FREM1: variants seen among roughly 807,000 people sequenced by gnomAD.
FREM1 encodes the protein FRAS1 related extracellular matrix 1, also known as FRAS1-related extracellular matrix protein 1.
Under a neutral mutation model 210.1 loss-of-function variants are expected in FREM1, and 220 were observed. That is an observed-to-expected ratio of 1.05 (90% CI 0.94 to 1.17). The LOEUF (loss-of-function observed/expected upper bound fraction) is 1.17, where lower values mean the gene tolerates loss of function less well. Ranked by LOEUF, FREM1 falls within the 50% of genes most tolerant of loss-of-function variation. FREM1 has a pLI of 0.00. For missense variants in FREM1, 3,454 were observed against 2,675.5 expected (o/e 1.29, Z -6.42); for synonymous variants, 1,189 against 980.2 (o/e 1.21, Z -3.98).
intron 27 of FREM1, among the ~76,000 whole-genome samples, chr9:14,763,368 C>A (rs761886070): frequency 1.2e-4 from 19 of 152,182 alleles, no homozygotes; most frequent in Non-Finnish European, 2.5e-4. Context: ...TTGAGAACTT[C>A]TTCCATATGC....
chr9:14,895,335 CA>C (rs1189169214), intron 1 of FREM1, among the ~76,000 whole-genome samples: 1 of 152,130 alleles, frequency 6.6e-6, no homozygotes, highest in Non-Finnish European at 1.5e-5. Context: ...AATTATGTTT[CA>C]AAAACTATGG....
At chr9:14,861,798 C>A (rs762144065) in intron 3 of FREM1, among the ~76,000 whole-genome samples, 12 of 151,992 alleles carry the variant, frequency 7.9e-5, no homozygotes, top group Non-Finnish European at 1.3e-4. Flanking sequence ...TGAGCCACTG[C>A]GCCTGGCCCT....
Position 14,863,812 on chromosome 9 carries a change from T to TA in FREM1, c.325dup (p.Tyr109LeufsTer5), listed in dbSNP as rs1187244203. The TA allele has an allele frequency of 6.2e-7, 1 of 1,604,158 alleles. No individual in the cohort carries two copies. Among genetic ancestry groups the TA allele is most frequent in the Non-Finnish European group, 8.5e-7 (1 of 1,171,054 alleles). On this transcript the variant is annotated frameshift_variant, in exon 3 of 37. Coordinates refer to ENST00000380880, the MANE Select transcript of FREM1 (RefSeq NM_001379081.2). LOFTEE classifies it high-confidence loss of function. The stretch of plus-strand genomic sequence containing the variant: ...GCGATGTTCCCGTGCCGCTTACCTG[T>TA]AAAGTCTGAGCTTCACTGTGTCTTC...
chr9:14,759,181 A>T (rs964337496), intron 28 of FREM1, among the ~76,000 whole-genome samples: 4 of 152,230 alleles, frequency 2.6e-5, no homozygotes, highest in Non-Finnish European at 4.4e-5. Flanking sequence ...CATAGAAACA[A>T]ATAACAGCTT....
intron 10 of FREM1, among the ~76,000 whole-genome samples, chr9:14,828,714 T>G (rs1822977581): frequency 6.6e-6 from 1 of 152,056 alleles, no homozygotes; most frequent in African/African-American, 2.4e-5. Context: ...AAATTTCTAT[T>G]ATTTCTAAAT....
At chr9:14,738,615 G>T (rs1840844216) in intron 36 of FREM1, among the ~76,000 whole-genome samples, 1 of 152,148 alleles carries the variant, frequency 6.6e-6, no homozygotes, top group Admixed American at 6.5e-5. Context: ...CCAAGAGAGG[G>T]AACTATTACA....
intron 8 of FREM1, 39 bp from the exon 9 acceptor site, chr9:14,842,699 G>A: frequency 6.9e-7 from 1 of 1,454,468 alleles, no homozygotes. Context: ...TTGAGCAAGG[G>A]AGTGCAGAAG....
At chr9:14,807,883 CCACAGG>C (rs1563976747) in intron 17 of FREM1, 51 bp downstream of exon 17, 1 of 1,180,536 alleles carries the variant, frequency 8.5e-7, no homozygotes. Flanking sequence ...TTTCACTGAA[CCACAGG>C]TATGACACTA....
intron 10 of FREM1, among the ~76,000 whole-genome samples, chr9:14,841,113 A>G (rs1426984652): frequency 3.3e-5 from 5 of 152,228 alleles, no homozygotes; most frequent in African/African-American, 7.2e-5. Flanking sequence ...AACTCATGCA[A>G]CCTAACTCTA....
intron 3 of FREM1, among the ~76,000 whole-genome samples, chr9:14,861,790 AG>A (rs1419305623): frequency 6.6e-6 from 1 of 152,108 alleles, no homozygotes; most frequent in East Asian, 1.9e-4. Flanking sequence ...TAGAGGCATG[AG>A]CCACTGCGCC....
In FREM1 at chr9:14,748,549, G is replaced by C. The variant is rs1178288816; in HGVS notation, c.5648C>G (p.Ser1883Ter). ...ATGAAAGGAACCAGAAGTGGTGGATGAGGAAGACCCTGGGGGCAGCAGATG... is the reference window on the plus strand; with the variant it reads ...ATGAAAGGAACCAGAAGTGGTGGATCAGGAAGACCCTGGGGGCAGCAGATG... ...IWHLLPPGSS[S>*]STTSGSFHLE... The change falls in exon 31 of 37, where the codon TCA (serine) becomes TGA (stop). Residue 1883 changes from serine (S) to a stop codon, truncating the protein, a stop_gained. Coordinates refer to ENST00000380880, the MANE Select transcript of FREM1 (RefSeq NM_001379081.2). LOFTEE classifies it high-confidence loss of function. 1.9e-6 allele frequency: 3 copies of C among 1,613,892 alleles called. No individual in the cohort carries two copies. The South Asian group carries it at 3.3e-5, about 18-fold the overall frequency.
At chr9:14,871,760 T>G (rs922189567) in intron 1 of FREM1, among the ~76,000 whole-genome samples, 1 of 151,580 alleles carries the variant, frequency 6.6e-6, no homozygotes, top group Admixed American at 6.6e-5. Flanking sequence ...AATACCTAGG[T>G]TTTCTTCTAC....
At chr9:14,761,262 A>C (rs10124839) in intron 27 of FREM1, among the ~76,000 whole-genome samples, 18,352 of 152,192 alleles carry the variant, frequency 0.12, 1,237 homozygotes, top group Non-Finnish European at 0.15. Context: ...GAGCCAGATA[A>C]ACTCAACAGT....
chr9:14,860,867 A>ATATACGTATATATATGTATATATACG lies in FREM1; in HGVS notation c.330-1384_330-1383insCGTATATATACATATATATACGTATA, dbSNP rs1339254428. On this transcript the variant is annotated intron_variant, in intron 3 of 36. Coordinates refer to ENST00000380880, the MANE Select transcript of FREM1 (RefSeq NM_001379081.2). ...TACATATATACGTATATATACACAT[A>ATATACGTATATATATGTATATATACG]TATATACGTATATATACACATATAT... is the stretch of plus-strand genomic sequence containing the variant. 4.5e-5 allele frequency among the ~76,000 whole-genome samples: 2 copies of ATATACGTATATATATGTATATATACG among 44,406 alleles called. 1 individual carries two copies. The highest frequency in any genetic ancestry group is 7.2e-5 in the Non-Finnish European group (2 of 27,738). 29.1% of individuals were successfully genotyped at this position (44,406 alleles called of 152,430 possible). A position where few individuals can be genotyped will look rare whatever the true frequency, so the allele number is the denominator to read the frequency against.
Position 14,742,637 on chromosome 9 carries a change from G to C in FREM1, c.6255-2403C>G, listed in dbSNP as rs1477405858. 2.0e-5 allele frequency among the ~76,000 whole-genome samples: 3 copies of C among 152,212 alleles called. No individual in the cohort carries two copies. The East Asian group carries it at 5.8e-4, about 29-fold the overall frequency. ...CTGTAAAGGACTTTCAGAAATATTT[G>C]TTAAATGAATGTATCTATAAACTAG... On this transcript the variant is annotated intron_variant, in intron 35 of 36. Transcript: ENST00000380880.
chr9:14,847,688 A>G (rs1361779324), intron 7 of FREM1, among the ~76,000 whole-genome samples: 1 of 152,214 alleles, frequency 6.6e-6, no homozygotes, highest in Non-Finnish European at 1.5e-5. Flanking sequence ...GATCAAGTTC[A>G]TAATAAGCAA....
rs576626693 is a variant in FREM1 at position 14,812,816 on chromosome 9, G to C, written c.2889C>G (p.His963Gln). 1 of 1,606,002 alleles carries C rather than the reference G, an allele frequency of 6.2e-7. No homozygotes were observed. Among genetic ancestry groups the C allele is most frequent in the African/African-American group, 1.3e-5 (1 of 74,912 alleles). Residue 963 changes from histidine (H) to glutamine (Q), a missense_variant, in exon 16 of 37, where the codon CAC becomes CAG. Physicochemically the swap from His to Gln is conservative, Grantham distance 24. Coordinates refer to ENST00000380880, the MANE Select transcript of FREM1 (RefSeq NM_001379081.2). Reference protein sequence around the residue: ...DVISEAVTYKHTGGEIGLMPC... With the variant: ...DVISEAVTYKQTGGEIGLMPC... ...GGTCACCATGCTGCTGCTTACCTGTGTGTTTGTATGTCACGGCCTCTGAGA... is the reference window on the plus strand; with the variant it reads ...GGTCACCATGCTGCTGCTTACCTGTCTGTTTGTATGTCACGGCCTCTGAGA...
chr9:14,827,844 G>A (rs1185031204), intron 10 of FREM1, among the ~76,000 whole-genome samples: 2 of 152,200 alleles, frequency 1.3e-5, no homozygotes, highest in Admixed American at 1.3e-4. Flanking sequence ...TGCAATCCTT[G>A]GCCATCCCAG....
chr9:14,883,133 C>A (rs1363393178), intron 1 of FREM1, among the ~76,000 whole-genome samples: 1 of 151,932 alleles, frequency 6.6e-6, no homozygotes, highest in Non-Finnish European at 1.5e-5. Flanking sequence ...AAATTAGGTT[C>A]AATAAATGTC....
Sources: allele counts gnomAD v4.1 joint callset (sites outside exome capture counted in the v4.1 genomes callset), GRCh38; gene constraint gnomAD v4.1.1; transcripts MANE v1.5; gene names NCBI Gene and HGNC (gene_info 2026-07-23, HGNC 2026-07-21).